GLI3: variants seen among roughly 807,000 people sequenced by gnomAD.
GLI3 encodes GLI family zinc finger 3.
GLI3 carries 20 observed loss-of-function variants against 100.8 expected under a neutral mutation model. The observed-to-expected ratio is 0.20, with a 90% CI of 0.14 to 0.29. GLI3 has a LOEUF of 0.29. Ranked by LOEUF, GLI3 falls within the 10% of genes least tolerant of loss-of-function variation. The probability of loss-of-function intolerance (pLI) is 1.00; values close to 1 mark genes in which losing one functional copy is unlikely to be tolerated. For synonymous variants in GLI3, 938 were observed against 860.5 expected (o/e 1.09, Z -1.58); for missense variants, 2,040 against 2,128.5 (o/e 0.96, Z 0.82).
intron 1 of GLI3, among the ~76,000 whole-genome samples, chr7:42,251,620 G>A (rs1021861180): frequency 6.6e-6 from 1 of 152,058 alleles, no homozygotes; most frequent in African/African-American, 2.4e-5. Context: ...AGGGAGAGAA[G>A]AGCTGGCATT....
intron 2 of GLI3, among the ~76,000 whole-genome samples, chr7:42,152,616 C>T (rs933863047): frequency 2.0e-5 from 3 of 152,196 alleles, no homozygotes; most frequent in African/African-American, 7.2e-5. Context: ...AAGGGTCAGG[C>T]GGCTAATCAT....
At chr7:42,040,329 G>A in intron 6 of GLI3, 90 bp from the exon 7 acceptor site, 1 of 1,000,514 alleles carries the variant, frequency 1.0e-6, no homozygotes, top group Non-Finnish European at 1.6e-6. Flanking sequence ...AAGAAGTGAA[G>A]GATAAGAAGC....
chr7:42,258,623 T>A (rs1368970186), intron 1 of GLI3, among the ~76,000 whole-genome samples: 2 of 152,336 alleles, frequency 1.3e-5, no homozygotes, highest in East Asian at 3.9e-4. Context: ...AATTTATTTC[T>A]CCAGCTCTGG....
At chr7:42,155,401 T>G (rs1786978080) in intron 2 of GLI3, among the ~76,000 whole-genome samples, 1 of 149,376 alleles carries the variant, frequency 6.7e-6, no homozygotes, top group African/African-American at 2.5e-5. Flanking sequence ...ATCACGCCAT[T>G]GCACTCCAGC....
At chr7:42,254,903 A>C (rs1432417330) in intron 1 of GLI3, among the ~76,000 whole-genome samples, 1 of 151,448 alleles carries the variant, frequency 6.6e-6, no homozygotes, top group Admixed American at 6.6e-5. Flanking sequence ...TAATTCAATA[A>C]TTTCTCATTG....
At position 41,966,670 on chromosome 7, in the gene GLI3, C is replaced by T. The variant is rs1233089162; in HGVS notation, c.2432-29G>A. 6.2e-7 allele frequency: 1 copy of T among 1,612,230 alleles called. No homozygotes were observed. The highest frequency in any genetic ancestry group is 1.7e-5 in the Admixed American group (1 of 60,034). ...GAGACAGAGAAAGGGAGAGACCATG[C>T]GGAGATGAATTCCCTTCGAGCATGA... On this transcript the variant is annotated intron_variant, in intron 14 of 14. Transcript: ENST00000395925. This position sits in a 1 kb window ranked among gnomAD's most constrained non-coding sequence, Gnocchi z 5.8.
intron 2 of GLI3, among the ~76,000 whole-genome samples, chr7:42,183,684 C>A (rs1787662798): frequency 6.6e-6 from 1 of 152,182 alleles, no homozygotes; most frequent in Admixed American, 6.5e-5. Context: ...TATATTATAT[C>A]TATATTTATG....
intron 4 of GLI3, among the ~76,000 whole-genome samples, chr7:42,066,852 T>G (rs1784685398): frequency 6.6e-6 from 1 of 152,138 alleles, no homozygotes; most frequent in Non-Finnish European, 1.5e-5. Flanking sequence ...CTTTGGTCAT[T>G]AAAACAAGAT....
chr7:42,087,117 G>C (rs1243262412), intron 3 of GLI3, among the ~76,000 whole-genome samples: 1 of 152,188 alleles, frequency 6.6e-6, no homozygotes, highest in African/African-American at 2.4e-5. Flanking sequence ...GGTGAAAAGG[G>C]GGAGGAAAGA....
chr7:42,020,377 G>T (rs147150692), intron 10 of GLI3, among the ~76,000 whole-genome samples: 309 of 152,276 alleles, frequency 2.0e-3, no homozygotes, highest in African/African-American at 7.2e-3. Context: ...TTTCAGCAAA[G>T]CCCTTCAATT....
intron 3 of GLI3, among the ~76,000 whole-genome samples, chr7:42,107,446 C>G (rs941418531): frequency 6.6e-6 from 1 of 152,178 alleles, no homozygotes; most frequent in African/African-American, 2.4e-5. Flanking sequence ...TCAACTCAGG[C>G]GACTGAGGGT....
At chr7:42,176,678 G>A (rs116874266) in intron 2 of GLI3, among the ~76,000 whole-genome samples, 7 of 152,322 alleles carry the variant, frequency 4.6e-5, no homozygotes, top group Non-Finnish European at 7.4e-5. Flanking sequence ...TTAACTCAGT[G>A]AGCATTCCCT....
rs752320089 is a variant in GLI3, at chr7:41,964,839, T to A, written c.4234A>T (p.Thr1412Ser). 3 of 1,613,856 alleles carry A rather than the reference T, an allele frequency of 1.9e-6. No homozygotes were observed. The African/African-American group carries it at 4.0e-5, about 22-fold the overall frequency. The change falls in exon 15 of 15, where the codon ACA becomes TCA. Residue 1412 changes from threonine (T) to serine (S), a missense_variant. This residue lies in a region of GLI3 where 1,041 missense variants were observed against 924.0 expected (regional missense o/e 1.13). Coordinates refer to ENST00000395925, the MANE Select transcript of GLI3 (RefSeq NM_000168.6). ...CCATTCACCCTGCAGGTCTGACTTGTGTCACTGAGCTGTCCTGACTGCAGA... is the reference window on the plus strand; with the variant it reads ...CCATTCACCCTGCAGGTCTGACTTGAGTCACTGAGCTGTCCTGACTGCAGA... ...LALQSGQLSD[T>S]SQTCRVNGIK...
intron 13 of GLI3, among the ~76,000 whole-genome samples, chr7:41,971,684 A>G (rs1345388656): frequency 6.6e-6 from 1 of 152,056 alleles, no homozygotes; most frequent in Non-Finnish European, 1.5e-5. Flanking sequence ...CTGGTACTGG[A>G]GTGGTTTCCT....
At chr7:42,020,385 A>C (rs1788901875) in intron 10 of GLI3, among the ~76,000 whole-genome samples, 1 of 152,176 alleles carries the variant, frequency 6.6e-6, no homozygotes, top group Non-Finnish European at 1.5e-5. Context: ...AAGCCCTTCA[A>C]TTGCAGCCAG....
In GLI3 at chr7:42,165,863, C is replaced by T. The variant is rs565502401; in HGVS notation, c.125-17395G>A. Among the ~76,000 whole-genome samples, 13 of 152,186 alleles carry T rather than the reference C, an allele frequency of 8.5e-5. No individual in the cohort carries two copies. The East Asian group carries it at 2.3e-3, about 27-fold the overall frequency. On this transcript the variant is annotated intron_variant, in intron 2 of 14. Coordinates refer to ENST00000395925, the MANE Select transcript of GLI3 (RefSeq NM_000168.6). Reference sequence around the variant, plus strand: ...AACCATAAAACCATAGATGAAAATCCAAAACATTGGGAAACAGATGCTTGG... The same window carrying T: ...AACCATAAAACCATAGATGAAAATCTAAAACATTGGGAAACAGATGCTTGG...
At chr7:42,175,177 CT>C (rs1283386820) in intron 2 of GLI3, among the ~76,000 whole-genome samples, 3 of 152,128 alleles carry the variant, frequency 2.0e-5, no homozygotes, top group African/African-American at 7.2e-5. Context: ...GTGATAAATG[CT>C]TTTAAGTGTT....
rs1017288667 is a variant in GLI3, at chr7:42,169,750, AAAAAG to A, written c.125-21287_125-21283del. On this transcript the variant is annotated intron_variant, in intron 2 of 14. Coordinates refer to ENST00000395925, the MANE Select transcript of GLI3 (RefSeq NM_000168.6). Reference sequence around the variant, plus strand: ...ATTAATAATGCCCACAAAGCACAAAAAAAAGAAGAGAAGCAAAGAGAAAAGAGAAA... The same window carrying A: ...ATTAATAATGCCCACAAAGCACAAAAAAGAGAAGCAAAGAGAAAAGAGAAA... Among the ~76,000 whole-genome samples the A allele has an allele frequency of 2.4e-4, 36 of 148,160 alleles. 1 individual carries two copies. The Middle Eastern group carries it at 0.01, about 43-fold the overall frequency.
At chr7:42,257,378 C>T (rs1368542968) in intron 1 of GLI3, among the ~76,000 whole-genome samples, 6 of 129,740 alleles carry the variant, frequency 4.6e-5, no homozygotes, top group Admixed American at 3.5e-4. Flanking sequence ...TTTTTTGAGA[C>T]GGAGTCTCGC....
Sources: allele counts gnomAD v4.1 joint callset (sites outside exome capture counted in the v4.1 genomes callset), GRCh38; gene constraint gnomAD v4.1.1; regional missense constraint gnomAD v4.1.1; non-coding constraint Gnocchi (gnomAD v3.1); transcripts MANE v1.5; gene names NCBI Gene and HGNC (gene_info 2026-07-23, HGNC 2026-07-21).